The following TAF5L variants were observed in gnomAD, a reference collection of about 807,000 sequenced individuals.
TAF5L encodes TATA-box binding protein associated factor 5 like.
TAF5L carries 7 observed loss-of-function variants against 51.3 expected under a neutral mutation model. The observed-to-expected ratio is 0.14, with a 90% CI of 0.08 to 0.26. The LOEUF (loss-of-function observed/expected upper bound fraction) is 0.26, where lower values mean the gene tolerates loss of function less well. Ranked by LOEUF, TAF5L falls within the 10% of genes least tolerant of loss-of-function variation. The pLI is 1.00. For missense variants in TAF5L, 575 were observed against 758.9 expected (o/e 0.76, Z 2.85); for synonymous variants, 291 against 308.1 (o/e 0.94, Z 0.58).
rs138147652 is a variant in TAF5L, at chr1:229,610,126, C to T, written c.227G>A (p.Arg76Gln). The change falls in exon 3 of 5, where the codon CGA becomes CAA. Residue 76 changes from arginine to glutamine, a missense_variant. This residue lies in a region of TAF5L where 380 missense variants were observed against 443.7 expected (regional missense o/e 0.86). Coordinates refer to ENST00000258281, the Ensembl canonical transcript of TAF5L. ...CTTACCAGTGAGAAAATTCCGCAGTCGTCCAAACTGTACTTCATATTGCTG... is the reference window on the plus strand; with the variant it reads ...CTTACCAGTGAGAAAATTCCGCAGTTGTCCAAACTGTACTTCATATTGCTG... 57 of 1,614,120 alleles carry T rather than the reference C, an allele frequency of 3.5e-5. No homozygotes were observed. Among genetic ancestry groups the T allele is most frequent in the African/African-American group, 8.0e-5 (6 of 75,034 alleles).
intron 1 of TAF5L, among the ~76,000 whole-genome samples, chr1:229,622,035 A>G (rs929359043): frequency 6.2e-5 from 8 of 129,128 alleles, no homozygotes; most frequent in East Asian, 3.2e-4. Context: ...CTATCTATCT[A>G]TCTATCTATC....
chr1:229,610,454 T>A (rs113765205), intron 2 of TAF5L, among the ~76,000 whole-genome samples: 7 of 152,162 alleles, frequency 4.6e-5, no homozygotes, highest in Admixed American at 4.6e-4. Flanking sequence ...AAGCACAGGA[T>A]AAGGTGAATG....
rs766456723 is a variant in TAF5L at position 229,614,501 on chromosome 1, C to T, written c.-3-16G>A. ...GTTTCATGACCTTCAAGGGAGGCAACGACAGGATACAGAGACATCAGGGGC... is the reference window on the plus strand; with the variant it reads ...GTTTCATGACCTTCAAGGGAGGCAATGACAGGATACAGAGACATCAGGGGC... On this transcript the variant is annotated splice_polypyrimidine_tract_variant and intron_variant, in intron 1 of 4. Transcript: ENST00000258281. The T allele has an allele frequency of 8.1e-6, 13 of 1,613,396 alleles. No individual in the cohort carries two copies. The highest frequency in any genetic ancestry group is 6.7e-5 in the East Asian group (3 of 44,894).
chr1:229,600,149 T>C (rs1664317431), intron 4 of TAF5L: 2 of 985,304 alleles, frequency 2.0e-6, no homozygotes, highest in Non-Finnish European at 2.4e-6. Context: ...TGGAGAAACA[T>C]TAAACACCAA....
intron 1 of TAF5L, among the ~76,000 whole-genome samples, chr1:229,624,848 G>C (rs1665370306): frequency 6.6e-6 from 1 of 152,112 alleles, no homozygotes; most frequent in South Asian, 2.1e-4. Context: ...CAGGAACTGG[G>C]GCACAGCCTC....
intron 1 of TAF5L, among the ~76,000 whole-genome samples, chr1:229,624,705 T>A (rs1665363557): frequency 6.6e-6 from 1 of 152,158 alleles, no homozygotes. Context: ...ATGGTTTCCA[T>A]CCTAGGTCTA....
intron 4 of TAF5L, chr1:229,599,802 T>G: frequency 1.0e-6 from 1 of 984,170 alleles, no homozygotes. Context: ...TGTCTAGAAG[T>G]GGAATTGCTG....
At chr1:229,620,251 T>G (rs978478522) in intron 1 of TAF5L, among the ~76,000 whole-genome samples, 1 of 152,174 alleles carries the variant, frequency 6.6e-6, no homozygotes, top group African/African-American at 2.4e-5. Flanking sequence ...TTTAGAGAAG[T>G]GGTCTGGCTA....
intron 3 of TAF5L, among the ~76,000 whole-genome samples, chr1:229,603,981 TC>T (rs1664487771): frequency 1.3e-5 from 2 of 152,198 alleles, no homozygotes; most frequent in South Asian, 4.1e-4. Flanking sequence ...GCAAAATCCA[TC>T]CGTTACATTC....
intron 4 of TAF5L, among the ~76,000 whole-genome samples, chr1:229,598,540 G>A (rs549484761): frequency 5.3e-4 from 80 of 152,168 alleles, no homozygotes; most frequent in African/African-American, 1.9e-3. Flanking sequence ...TTAAGGAGGC[G>A]GGTGCTGGTA....
At chr1:229,597,656 C>T (rs1664176977) in intron 4 of TAF5L, among the ~76,000 whole-genome samples, 1 of 152,172 alleles carries the variant, frequency 6.6e-6, no homozygotes, top group African/African-American at 2.4e-5. Flanking sequence ...AGCCTGAATA[C>T]TCCACAGTAA....
In TAF5L at chr1:229,602,349, G is replaced by A; in HGVS notation, c.818C>T (p.Thr273Ile). The change falls in exon 4 of 5, where the codon ACT (threonine) becomes ATT (isoleucine). Residue 273 changes from threonine to isoleucine, a missense_variant. Physicochemically the swap from Thr to Ile is moderately conservative, Grantham distance 89 (BLOSUM62 -1). Transcript: ENST00000258281. This position sits in a 1 kb window ranked among gnomAD's most constrained non-coding sequence, Gnocchi z 4.6. ...CTTGCTATCGGGGGAGATTTCTGCAGTGTTCAACAGCTGCTCTGTGTTATA... is the reference window on the plus strand; with the variant it reads ...CTTGCTATCGGGGGAGATTTCTGCAATGTTCAACAGCTGCTCTGTGTTATA... 1 of 1,614,168 alleles carries A rather than the reference G, an allele frequency of 6.2e-7. No individual in the cohort carries two copies. Among genetic ancestry groups the A allele is most frequent in the African/African-American group, 1.3e-5 (1 of 75,036 alleles).
exon 5 of TAF5L, chr1:229,593,887 C>T (rs1365302316): frequency 6.3e-6 from 1 of 157,926 alleles, no homozygotes; most frequent in Non-Finnish European, 1.4e-5. Flanking sequence ...CAAGGACTTC[C>T]CTCCCACCTG....
chr1:229,604,523 G>C (rs1172973991), intron 3 of TAF5L, among the ~76,000 whole-genome samples: 2 of 152,172 alleles, frequency 1.3e-5, no homozygotes, highest in Admixed American at 6.5e-5. Flanking sequence ...TCCTGCCCAA[G>C]AGGAACTGGA....
intron 2 of TAF5L, among the ~76,000 whole-genome samples, chr1:229,611,834 G>A (rs569508801): frequency 6.6e-6 from 1 of 152,190 alleles, no homozygotes; most frequent in African/African-American, 2.4e-5. Context: ...TTGTTCCCTG[G>A]TAAACATCTA....
chr1:229,611,623 C>A (rs530637633), intron 2 of TAF5L, among the ~76,000 whole-genome samples: 6 of 152,290 alleles, frequency 3.9e-5, no homozygotes, highest in African/African-American at 1.4e-4. Flanking sequence ...TACTCTGTCA[C>A]TAAGTCCTAC....
At chr1:229,614,211 C>T in intron 2 of TAF5L, 130 bp downstream of exon 2, 1 of 1,470,312 alleles carries the variant, frequency 6.8e-7, no homozygotes, top group Non-Finnish European at 9.4e-7. Context: ...CTTAACGTAG[C>T]TCACTGAGGT....
intron 4 of TAF5L, chr1:229,601,624 A>G (rs1292380998): frequency 7.1e-6 from 7 of 986,034 alleles, no homozygotes; most frequent in Non-Finnish European, 8.4e-6. Context: ...TACTTCTCCA[A>G]GTGGGGTCTG....
At chr1:229,605,450 A>G (rs1664558402) in intron 3 of TAF5L, among the ~76,000 whole-genome samples, 1 of 152,184 alleles carries the variant, frequency 6.6e-6, no homozygotes, top group Admixed American at 6.5e-5. Context: ...TGAACTTGTT[A>G]TTCTCTTTAT....
Sources: allele counts gnomAD v4.1 joint callset (sites outside exome capture counted in the v4.1 genomes callset), GRCh38; gene constraint gnomAD v4.1.1; regional missense constraint gnomAD v4.1.1; non-coding constraint Gnocchi (gnomAD v3.1); transcripts MANE v1.5; gene names NCBI Gene and HGNC (gene_info 2026-07-23, HGNC 2026-07-21).